CLXN: variants seen among roughly 807,000 people sequenced by gnomAD.
The protein encoded by CLXN is EF-hand calcium binding domain 1.
the CLXN span, among the ~76,000 whole-genome samples, chr8:48,712,990 C>CAAAA: frequency 4.0e-5 from 4 of 99,518 alleles, no homozygotes; most frequent in Admixed American, 2.0e-4. Context: ...ACTCCTCTGT[C>CAAAA]AAAAAAAAAA....
At chr8:48,728,665 C>T in the CLXN span, among the ~76,000 whole-genome samples, 4 of 152,322 alleles carry the variant, frequency 2.6e-5, no homozygotes, top group African/African-American at 7.2e-5. Context: ...GTGTTTACAA[C>T]GTTGCCTGGC....
the CLXN span, chr8:48,731,580 C>T: frequency 6.3e-6 from 8 of 1,262,676 alleles, no homozygotes; most frequent in South Asian, 3.3e-5. Context: ...AATAAGTTTA[C>T]AGACAAACAA....
the CLXN span, chr8:48,729,730 A>G: frequency 6.2e-7 from 1 of 1,606,686 alleles, no homozygotes; most frequent in South Asian, 1.1e-5. Flanking sequence ...CATTTTCTTC[A>G]GTGTTATTTC....
At chr8:48,725,498 T>C in the CLXN span, among the ~76,000 whole-genome samples, 2 of 152,186 alleles carry the variant, frequency 1.3e-5, no homozygotes, top group Non-Finnish European at 2.9e-5. Flanking sequence ...GGGACAGTTT[T>C]GAATCTTTTA....
chr8:48,714,639 C>T, the CLXN span, among the ~76,000 whole-genome samples: 29 of 152,116 alleles, frequency 1.9e-4, no homozygotes, highest in African/African-American at 5.8e-4. Flanking sequence ...ATGCTCATGA[C>T]GGTCCGTGAT....
chr8:48,722,423 C>G, the CLXN span, among the ~76,000 whole-genome samples: 1 of 152,150 alleles, frequency 6.6e-6, no homozygotes, highest in Non-Finnish European at 1.5e-5. Context: ...AATACCACTT[C>G]TAGGTATACA....
At chr8:48,716,855 A>G in the CLXN span, among the ~76,000 whole-genome samples, 4 of 152,348 alleles carry the variant, frequency 2.6e-5, no homozygotes, top group African/African-American at 7.2e-5. Context: ...GCATTGTGAA[A>G]GTATCAGAAG....
At chr8:48,723,296 A>T in the CLXN span, 1 of 152,230 alleles carries the variant, frequency 6.6e-6, no homozygotes, top group East Asian at 1.9e-4. Flanking sequence ...CTCAATAAAG[A>T]TAGAAAAGCA....
At chr8:48,733,102 G>A in the CLXN span, among the ~76,000 whole-genome samples, 1 of 152,056 alleles carries the variant, frequency 6.6e-6, no homozygotes, top group Non-Finnish European at 1.5e-5. Context: ...TAAATTTCAT[G>A]TTATATGTAA....
chr8:48,731,377 C>A, the CLXN span: 6 of 1,612,386 alleles, frequency 3.7e-6, no homozygotes. Context: ...ATCTGTCATT[C>A]CAAATGTCAC....
the CLXN span, among the ~76,000 whole-genome samples, chr8:48,727,050 C>T: frequency 7.0e-6 from 1 of 143,006 alleles, no homozygotes; most frequent in Admixed American, 6.9e-5. Flanking sequence ...CATCCACACA[C>T]CCATCCATCC....
the CLXN span, among the ~76,000 whole-genome samples, chr8:48,726,475 T>A: frequency 7.6e-6 from 1 of 131,942 alleles, no homozygotes; most frequent in African/African-American, 2.9e-5. Context: ...ATCCATCTCA[T>A]CCATCCATTC....
At chr8:48,719,847 G>C in the CLXN span, among the ~76,000 whole-genome samples, 1 of 152,162 alleles carries the variant, frequency 6.6e-6, no homozygotes. Context: ...AAAACTTCTG[G>C]TAGAAACGGT....
chr8:48,721,650 A>G, the CLXN span, among the ~76,000 whole-genome samples: 3 of 152,242 alleles, frequency 2.0e-5, no homozygotes, highest in African/African-American at 4.8e-5. Context: ...AAATCCAAGC[A>G]TCTACAGTCA....
At chr8:48,727,270 G>A in the CLXN span, among the ~76,000 whole-genome samples, 1 of 148,098 alleles carries the variant, frequency 6.8e-6, no homozygotes, top group Non-Finnish European at 1.5e-5. Flanking sequence ...CTCATTACTA[G>A]ACACACACCA....
At chr8:48,735,010 G>A in the CLXN span, 18 of 1,504,918 alleles carry the variant, frequency 1.2e-5, no homozygotes, top group Non-Finnish European at 1.6e-5. Flanking sequence ...GCGGGAAGCA[G>A]GCACAACAGC....
chr8:48,731,069 T>C, the CLXN span, among the ~76,000 whole-genome samples: 22 of 152,302 alleles, frequency 1.4e-4, no homozygotes, highest in Non-Finnish European at 2.8e-4. Flanking sequence ...AAAACTATTC[T>C]ATTTATTATG....
At chr8:48,725,489 G>C in the CLXN span, among the ~76,000 whole-genome samples, 1 of 152,010 alleles carries the variant, frequency 6.6e-6, no homozygotes, top group Non-Finnish European at 1.5e-5. Context: ...TTTTCAGATG[G>C]GACAGTTTTG....
At chr8:48,729,961 G>T in the CLXN span, 2 of 1,279,572 alleles carry the variant, frequency 1.6e-6, no homozygotes, top group Non-Finnish European at 1.1e-6. Flanking sequence ...GTTCTATCTT[G>T]ATGCTGTACC....
Sources: allele counts gnomAD v4.1 joint callset (sites outside exome capture counted in the v4.1 genomes callset), GRCh38; gene constraint gnomAD v4.1.1; transcripts MANE v1.5; gene names NCBI Gene and HGNC (gene_info 2026-07-23, HGNC 2026-07-21).